EHMT1: variants seen among roughly 807,000 people sequenced by gnomAD.
EHMT1 encodes the protein histone-lysine N-methyltransferase EHMT1.
Under a neutral mutation model 147.2 loss-of-function variants are expected in EHMT1, and 15 were observed. That is an observed-to-expected ratio of 0.10 (90% confidence interval 0.07 to 0.16). The LOEUF is 0.16. Among genes scored for constraint, EHMT1 ranks in the 10% least tolerant of loss-of-function variants. The pLI, the probability that EHMT1 is intolerant of heterozygous loss-of-function variation, is 1.00. For missense variants in EHMT1, 1,587 were observed against 1,772.4 expected, an observed-to-expected ratio of 0.90 and a Z score of 1.88; for synonymous variants, 795 against 709.6, an observed-to-expected ratio of 1.12 and a Z score of -1.91.
chr9:137,772,069 T>G (rs11137221), intron 10 of EHMT1, among the ~76,000 whole-genome samples: 51,528 of 152,000 alleles, frequency 0.34, 9,051 homozygotes, highest in Admixed American at 0.44. Flanking sequence ...GGTATTAAAT[T>G]GCGCTGAGAA....
chr9:137,728,562 T>G, intron 4 of EHMT1, 33 bp downstream of exon 4: 2 of 1,613,828 alleles, frequency 1.2e-6, no homozygotes, highest in Non-Finnish European at 1.7e-6. Context: ...CTCTGCTCTT[T>G]GAATGTATGT....
chr9:137,817,818 G>A (rs1955044705), intron 24 of EHMT1: 2 of 623,228 alleles, frequency 3.2e-6, no homozygotes, highest in South Asian at 3.9e-5. Flanking sequence ...TCTAGGGGAG[G>A]ACCATTCTGG....
intron 1 of EHMT1, among the ~76,000 whole-genome samples, chr9:137,673,603 C>T (rs990401793): frequency 6.6e-6 from 1 of 152,166 alleles, no homozygotes; most frequent in African/African-American, 2.4e-5. Context: ...CACTCCCAGC[C>T]TGTGCTTTAC....
At chr9:137,808,702 C>T (rs1954161428) in intron 18 of EHMT1, among the ~76,000 whole-genome samples, 1 of 151,882 alleles carries the variant, frequency 6.6e-6, no homozygotes, top group Admixed American at 6.6e-5. Context: ...TGGCAGATCA[C>T]TTGAGGTCAG....
At chr9:137,619,077 C>T (rs1270415968) in intron 1 of EHMT1, 28 bp downstream of exon 1, 6 of 797,036 alleles carry the variant, frequency 7.5e-6, no homozygotes, top group South Asian at 1.1e-4. Context: ...CGGGGGGCGG[C>T]GCGGGGGCGG....
intron 9 of EHMT1, among the ~76,000 whole-genome samples, chr9:137,761,318 A>G (rs569266973): frequency 1.3e-5 from 2 of 152,360 alleles, no homozygotes; most frequent in Admixed American, 6.5e-5. Context: ...AAAGTAGCCC[A>G]AGATATCCTT....
intron 19 of EHMT1, 150 bp from the exon 20 acceptor site, chr9:137,812,856 G>A: frequency 9.3e-7 from 1 of 1,074,932 alleles, no homozygotes; most frequent in Non-Finnish European, 1.4e-6. Flanking sequence ...CGTCTTTGCA[G>A]AGTCATTGCT....
intron 1 of EHMT1, among the ~76,000 whole-genome samples, chr9:137,700,793 T>C (rs140066979): frequency 2.0e-5 from 3 of 152,344 alleles, no homozygotes; most frequent in Middle Eastern, 6.8e-3. Flanking sequence ...ATTCTGGCTT[T>C]ACAAATTGTA....
chr9:137,710,987 G>C lies in EHMT1; in HGVS notation c.42G>C (p.Glu14Asp), dbSNP rs370545724. ...AACAGGCAGTTCCGGCGAGGGGGGA[G>C]CCTCAGCAGGATTGCTGTGTGAAAA... Reference protein sequence around the residue: ...ADAEAVPARGEPQQDCCVKTE... With the variant: ...ADAEAVPARGDPQQDCCVKTE... The change falls in exon 2 of 27, where the codon GAG becomes GAC. Residue 14 changes from glutamate (E) to aspartate (D), a missense_variant. Physicochemically the swap from Glu to Asp is conservative, Grantham distance 45 (BLOSUM62 2). Around this residue, in one of 7 missense-constraint regions of EHMT1, gnomAD observed 810 missense variants for 673.0 expected, o/e 1.20. Transcript: ENST00000460843. 14 of 1,598,622 alleles carry C rather than the reference G, an allele frequency of 8.8e-6. No homozygotes were observed. Among genetic ancestry groups the C allele is most frequent in the Admixed American group, 5.2e-5 (3 of 57,910 alleles).
intron 1 of EHMT1, chr9:137,697,038 TG>T: frequency 3.2e-6 from 1 of 312,982 alleles, no homozygotes; most frequent in South Asian, 2.3e-5. Context: ...CCCAGCACTC[TG>T]GGAGGCTGAG....
At chr9:137,765,638 C>G (rs1396844899) in intron 10 of EHMT1, among the ~76,000 whole-genome samples, 3 of 146,274 alleles carry the variant, frequency 2.1e-5, no homozygotes, top group Admixed American at 6.9e-5. Flanking sequence ...CCTGACCCCC[C>G]AGCCCCACTC....
intron 4 of EHMT1, chr9:137,742,899 C>T (rs1948225431): frequency 4.2e-6 from 1 of 239,084 alleles, no homozygotes; most frequent in Non-Finnish European, 8.2e-6. Context: ...CCTGGCCTGG[C>T]CCCTGTGCTG....
chr9:137,834,959 C>T lies in EHMT1; in HGVS notation c.*6C>T, dbSNP rs1254463523. 4 of 1,415,960 alleles carry T rather than the reference C, an allele frequency of 2.8e-6. No homozygotes were observed. Among genetic ancestry groups the T allele is most frequent in the Non-Finnish European group, 2.7e-6 (3 of 1,093,664 alleles). 87.7% of individuals were successfully genotyped at this position (1,415,960 alleles called of 1,614,324 possible). On this transcript the variant is annotated 3_prime_UTR_variant, in exon 27 of 27. Coordinates refer to ENST00000460843, the MANE Select transcript of EHMT1 (RefSeq NM_024757.5). ...CTGCCGCCGACCCCCTATGAGACGC[C>T]GCCGGCCAGCGGGGCGCTCGGGAGC...
intron 1 of EHMT1, chr9:137,697,186 C>G (rs558711688): frequency 8.9e-6 from 3 of 335,268 alleles, no homozygotes; most frequent in South Asian, 6.3e-5. Context: ...GAGGCTGAGG[C>G]AGGAGAATCA....
intron 1 of EHMT1, among the ~76,000 whole-genome samples, chr9:137,644,177 C>T (rs765092451): frequency 5.0e-4 from 76 of 152,266 alleles, no homozygotes; most frequent in Admixed American, 2.6e-3. Flanking sequence ...GAGGCCCATA[C>T]GTGGTCTCTG....
chr9:137,708,650 G>A (rs1009178169), intron 1 of EHMT1, among the ~76,000 whole-genome samples: 17 of 152,186 alleles, frequency 1.1e-4, no homozygotes, highest in Admixed American at 7.9e-4. Context: ...CATGTGTTTC[G>A]AAAATTCAAA....
chr9:137,803,837 TAAAA>T (rs773946581), intron 18 of EHMT1, among the ~76,000 whole-genome samples: 3 of 127,004 alleles, frequency 2.4e-5, no homozygotes, highest in African/African-American at 8.6e-5. Context: ...TCTCAAAAAT[TAAAA>T]AAAAAAAAAA....
Position 137,752,354 on chromosome 9 carries a change from G to A in EHMT1, c.1194G>A (p.Glu398=). 6.2e-7 allele frequency: 1 copy of A among 1,614,258 alleles called. No homozygotes were observed. The highest frequency in any genetic ancestry group is 8.5e-7 in the Non-Finnish European group (1 of 1,180,046). ...AGATGGACGGGGAGTCCGAGGAGGA[G>A]CAGGAGTCCGTGGACACCGGGGAGG... ...AQKMDGESEE[E]QESVDTGEEE... is the part of the protein sequence containing the mutation. The change falls in exon 7 of 27, where the codon GAG becomes GAA. Residue 398 remains glutamate (E), a synonymous_variant. Transcript: ENST00000460843.
At chr9:137,805,701 C>T (rs371736244) in intron 18 of EHMT1, among the ~76,000 whole-genome samples, 1 of 151,154 alleles carries the variant, frequency 6.6e-6, no homozygotes, top group African/African-American at 2.4e-5. Flanking sequence ...CTTGCTCCGT[C>T]GCCCAGGCTG....
Sources: gnomAD v4.1 joint callset for allele counts (sites outside exome capture counted in the v4.1 genomes callset) on GRCh38, gnomAD v4.1.1 for gene constraint, gnomAD v4.1.1 regional missense constraint, MANE v1.5 for transcripts, NCBI Gene and HGNC (gene_info 2026-07-23, HGNC 2026-07-21) for gene names.